The following SPRYD7 variants were observed in gnomAD, a reference collection of about 807,000 sequenced individuals.
SPRYD7 encodes the protein SPRY domain containing 7, also known as SPRY domain-containing protein 7.
Under a neutral mutation model 23.8 loss-of-function variants are expected in SPRYD7, and 14 were observed. The observed-to-expected ratio is 0.59, with a 90% CI of 0.39 to 0.92. The LOEUF (loss-of-function observed/expected upper bound fraction) is 0.92, where lower values mean the gene tolerates loss of function less well. Ranked by LOEUF, SPRYD7 falls within the 40% of genes least tolerant of loss-of-function variation. The pLI is 0.00. For missense variants in SPRYD7, 194 were observed against 241.7 expected (o/e 0.80, Z 1.31); for synonymous variants, 75 against 84.9 (o/e 0.88, Z 0.64).
Position 49,936,283 on chromosome 13 carries a change from C to T in SPRYD7, c.-48G>A, listed in dbSNP as rs1871629721. ...CCGCCGTCCCTAGACCGAGGCGACACTGCCCCCCGCCGCTCAGCTCCGTCT... is the reference window on the plus strand; with the variant it reads ...CCGCCGTCCCTAGACCGAGGCGACATTGCCCCCCGCCGCTCAGCTCCGTCT... On this transcript the variant is annotated 5_prime_UTR_variant, in exon 1 of 5. In the 5' UTR this introduces an upstream ATG that the reference lacks. Coordinates refer to ENST00000361840, the MANE Select transcript of SPRYD7 (RefSeq NM_020456.4). The T allele has an allele frequency of 1.5e-6, 2 of 1,377,326 alleles. No homozygotes were observed. The highest frequency in any genetic ancestry group is 2.6e-5 in the East Asian group (1 of 38,766). 85.3% of individuals were successfully genotyped at this position (1,377,326 alleles called of 1,614,324 possible).
chr13:49,934,689 C>T (rs1457570666), intron 1 of SPRYD7, among the ~76,000 whole-genome samples: 1 of 151,714 alleles, frequency 6.6e-6, no homozygotes, highest in Non-Finnish European at 1.5e-5. Context: ...AAATAAAACA[C>T]AGTGGAATGA....
chr13:49,926,532 A>G (rs1473734468), intron 3 of SPRYD7, among the ~76,000 whole-genome samples: 1 of 152,214 alleles, frequency 6.6e-6, no homozygotes, highest in Non-Finnish European at 1.5e-5. Flanking sequence ...TTAATGGCTT[A>G]TGCCTTTCAT....
chr13:49,936,083 G>A, intron 1 of SPRYD7, 47 bp downstream of exon 1: 1 of 1,348,520 alleles, frequency 7.4e-7, no homozygotes, highest in Non-Finnish European at 9.8e-7. Context: ...TGCCCGCCGC[G>A]CCCGGCCCCC....
At chr13:49,920,237 C>G (rs1431768084) in intron 4 of SPRYD7, among the ~76,000 whole-genome samples, 2 of 150,582 alleles carry the variant, frequency 1.3e-5, no homozygotes, top group Admixed American at 6.6e-5. Context: ...GGGGACACAG[C>G]AAGACTCTGT....
In SPRYD7 at chr13:49,913,976, TTTCTAA is replaced by T. The variant is rs1241868053; in HGVS notation, c.*1081_*1086del. On this transcript the variant is annotated 3_prime_UTR_variant, in exon 5 of 5. Transcript: ENST00000361840. The stretch of plus-strand genomic sequence containing the variant: ...GCAGCAAAACTACAATTTGGATCTC[TTTCTAA>T]TTCTAACACTCATGTTTTCCTGAAC... 6.5e-6 allele frequency: 1 copy of T among 152,912 alleles called. No homozygotes were observed. The highest frequency in any genetic ancestry group is 1.5e-5 in the Non-Finnish European group (1 of 68,042). 9.5% of individuals were successfully genotyped at this position (152,912 alleles called of 1,614,324 possible). A position where few individuals can be genotyped will look rare whatever the true frequency, so the allele number is the denominator to read the frequency against.
intron 2 of SPRYD7, 51 bp from the exon 3 acceptor site, chr13:49,928,136 C>T (rs769904808): frequency 4.0e-6 from 6 of 1,518,022 alleles, no homozygotes; most frequent in African/African-American, 1.4e-5. Flanking sequence ...CTACAACCAT[C>T]GAGTTATTTT....
chr13:49,915,181 G>A, intron 4 of SPRYD7, 21 bp from the exon 5 acceptor site: 3 of 1,224,282 alleles, frequency 2.5e-6, no homozygotes, highest in Non-Finnish European at 3.4e-6. Context: ...CAAAAAGAAA[G>A]AAAATAAATT....
intron 4 of SPRYD7, among the ~76,000 whole-genome samples, chr13:49,917,383 G>T (rs1428534672): frequency 6.6e-6 from 1 of 152,142 alleles, no homozygotes; most frequent in Non-Finnish European, 1.5e-5. Flanking sequence ...GATTACAGGC[G>T]TGAGCTACTG....
intron 2 of SPRYD7, 121 bp downstream of exon 2, chr13:49,930,897 C>T (rs1955940293): frequency 1.7e-6 from 1 of 572,236 alleles, no homozygotes; most frequent in Middle Eastern, 4.9e-4. Context: ...GGTGGAAGAC[C>T]CAGATCTTCT....
chr13:49,932,091 T>C (rs1288847397), intron 1 of SPRYD7, among the ~76,000 whole-genome samples: 1 of 152,190 alleles, frequency 6.6e-6, no homozygotes, highest in Non-Finnish European at 1.5e-5. Context: ...AACCAAAACA[T>C]AAACACAAGA....
chr13:49,932,491 T>C (rs1476636569), intron 1 of SPRYD7, among the ~76,000 whole-genome samples: 1 of 152,190 alleles, frequency 6.6e-6, no homozygotes, highest in Non-Finnish European at 1.5e-5. Context: ...AAAATGTCTA[T>C]CAGAGAATAT....
At chr13:49,930,662 T>G (rs1955937735) in intron 2 of SPRYD7, among the ~76,000 whole-genome samples, 1 of 152,286 alleles carries the variant, frequency 6.6e-6, no homozygotes, top group Non-Finnish European at 1.5e-5. Flanking sequence ...ATATGCTGCT[T>G]ATATGTTTGA....
At chr13:49,933,222 T>G (rs1339595322) in intron 1 of SPRYD7, among the ~76,000 whole-genome samples, 1 of 152,202 alleles carries the variant, frequency 6.6e-6, no homozygotes, top group Non-Finnish European at 1.5e-5. Flanking sequence ...CCACATTTCT[T>G]GGCCACAGTA....
rs1020950242 is a variant in SPRYD7 at position 49,916,965 on chromosome 13, G to A, written c.494-1805C>T. Among the ~76,000 whole-genome samples the A allele has an allele frequency of 5.9e-5, 9 of 152,296 alleles. No homozygotes were observed. In the South Asian group the frequency reaches 1.9e-3, roughly 32 times the overall value. On this transcript the variant is annotated intron_variant, in intron 4 of 4. Transcript: ENST00000361840. ...TGTGATTGCCTGTTTTTTTTGTAAG[G>A]TAGAAGGCAAGGCATTTTCAGAGGA... is the stretch of plus-strand genomic sequence containing the variant.
At chr13:49,921,414 AC>A in intron 4 of SPRYD7, 63 bp downstream of exon 4, 1 of 1,032,430 alleles carries the variant, frequency 9.7e-7, no homozygotes, top group South Asian at 1.3e-5. Context: ...ATGAAAACAG[AC>A]TGATACACAC....
At chr13:49,925,798 C>A (rs1236073266) in intron 3 of SPRYD7, among the ~76,000 whole-genome samples, 11 of 148,494 alleles carry the variant, frequency 7.4e-5, no homozygotes, top group African/African-American at 2.2e-4. Flanking sequence ...GGTGACAGAG[C>A]GAGTGGCCAT....
rs755008423 is a variant in SPRYD7 at position 49,928,074 on chromosome 13, T to C, written c.235A>G (p.Ile79Val). The C allele has an allele frequency of 7.4e-6, 12 of 1,613,656 alleles. No individual in the cohort carries two copies. The highest frequency in any genetic ancestry group is 1.6e-4 in the Middle Eastern group (1 of 6,062). Residue 79 changes from isoleucine (I) to valine (V), a missense_variant, in exon 3 of 5, where the codon ATT becomes GTT. Ile to Val is a conservative substitution (Grantham distance 29). Transcript: ENST00000361840. ...FKIQSTGIWG[I>V]GVATQKVNLN... Reference sequence around the variant, plus strand: ...TTAACCTTCTGAGTTGCAACACCAATACCCCAGATTCCTAAAAATATAACA... The same window carrying C: ...TTAACCTTCTGAGTTGCAACACCAACACCCCAGATTCCTAAAAATATAACA...
chr13:49,921,412 A>G, intron 4 of SPRYD7, 66 bp downstream of exon 4: 1 of 1,023,290 alleles, frequency 9.8e-7, no homozygotes, highest in South Asian at 1.3e-5. Flanking sequence ...GCATGAAAAC[A>G]GACTGATACA....
intron 3 of SPRYD7, 55 bp from the exon 4 acceptor site, chr13:49,921,635 G>T: frequency 9.1e-7 from 1 of 1,103,972 alleles, no homozygotes; most frequent in Non-Finnish European, 1.4e-6. Flanking sequence ...AGAAAGCATT[G>T]ACTGGGAAGT....
Sources: gnomAD v4.1 joint callset for allele counts (sites outside exome capture counted in the v4.1 genomes callset) on GRCh38, gnomAD v4.1.1 for gene constraint, MANE v1.5 for transcripts, NCBI Gene and HGNC (gene_info 2026-07-23, HGNC 2026-07-21) for gene names.